GRAMD1B: variants seen among roughly 807,000 people sequenced by gnomAD.
The protein encoded by GRAMD1B is protein Aster-B.
Under a neutral mutation model 99.7 loss-of-function variants are expected in GRAMD1B, and 37 were observed. That is an observed-to-expected ratio of 0.37 (90% confidence interval 0.29 to 0.49). The LOEUF (loss-of-function observed/expected upper bound fraction) is 0.49. GRAMD1B is among the 20% of genes least tolerant of loss of function. GRAMD1B has a pLI of 0.98. For missense variants in GRAMD1B, 888 were observed against 1,009.2 expected (o/e 0.88, Z 1.63); for synonymous variants, 427 against 387.6 (o/e 1.10, Z -1.19).
At chr11:123,621,949 TTTC>T (rs1257012300) in intron 19 of GRAMD1B, among the ~76,000 whole-genome samples, 1 of 151,458 alleles carries the variant, frequency 6.6e-6, no homozygotes, top group African/African-American at 2.4e-5. Flanking sequence ...TCTCTCTTTC[TTTC>T]TTTCTTCTTT....
Position 123,605,337 on chromosome 11 carries a change from C to G in GRAMD1B, c.1182C>G (p.Ile394Met). 2 of 1,609,974 alleles carry G rather than the reference C, an allele frequency of 1.2e-6. No homozygotes were observed. Among genetic ancestry groups the G allele is most frequent in the Non-Finnish European group, 1.7e-6 (2 of 1,177,572 alleles). The stretch of plus-strand genomic sequence containing the variant: ...CTCCTCTCAGATACTGTGAAGAGAT[C>G]CCTGTGGAAGAGAATGAAGTGAATG... ...DFNTMGYCEE[I>M]PVEENEVNDS... Residue 394 changes from isoleucine to methionine, a missense_variant, in exon 10 of 20, where the codon ATC becomes ATG. Physicochemically the swap from Ile to Met is conservative, Grantham distance 10. This residue lies in a region of GRAMD1B where 269 missense variants were observed against 296.6 expected (regional missense o/e 0.91). Transcript: ENST00000635736.
rs549303304 is a variant in GRAMD1B at position 123,422,295 on chromosome 11, C to T, written c.-175-58521C>T. Among the ~76,000 whole-genome samples, 32 of 152,278 alleles carry T rather than the reference C, an allele frequency of 2.1e-4. 1 individual carries two copies. In the South Asian group the frequency reaches 3.7e-3, roughly 18 times the overall value. On this transcript the variant is annotated intron_variant, in intron 1 of 20. Transcript: ENST00000638157. The stretch of plus-strand genomic sequence containing the variant: ...TGTGAATTTCATTGAGGCAAGAGTT[C>T]GCACCAAGTGCAGAATTGCATAGAG...
At position 123,612,846 on chromosome 11, in the gene GRAMD1B, G is replaced by A. The variant is rs761933797; in HGVS notation, c.2005G>A (p.Asp669Asn). ...GAAGAACTTCTGGAGTGGGCTGGAG[G>A]ACTACTTCCGCCATTTAGGTGAGCA... is the stretch of plus-strand genomic sequence containing the variant. Reference protein sequence around the residue: ...IEKNFWSGLEDYFRHLESELA... With the variant: ...IEKNFWSGLENYFRHLESELA... Residue 669 changes from aspartate to asparagine, a missense_variant, in exon 15 of 20, where the codon GAC becomes AAC. Asp to Asn is a conservative substitution (Grantham distance 23, BLOSUM62 1). Transcript: ENST00000635736. 1 of 1,602,576 alleles carries A rather than the reference G, an allele frequency of 6.2e-7. No individual in the cohort carries two copies. The highest frequency in any genetic ancestry group is 8.5e-7 in the Non-Finnish European group (1 of 1,169,932).
At chr11:123,396,248 A>G (rs1377363813) in intron 1 of GRAMD1B, among the ~76,000 whole-genome samples, 8 of 114,712 alleles carry the variant, frequency 7.0e-5, no homozygotes, top group African/African-American at 2.8e-4. Flanking sequence ...CCCCATATGC[A>G]TTTTTTTCTT....
intron 1 of GRAMD1B, among the ~76,000 whole-genome samples, chr11:123,417,330 G>A (rs1353853179): frequency 5.9e-5 from 9 of 152,112 alleles, no homozygotes; most frequent in Non-Finnish European, 8.8e-5. Flanking sequence ...CTGAGATCGC[G>A]CCATTGCACT....
intron 7 of GRAMD1B, chr11:123,598,889 C>T (rs1951611731): frequency 7.3e-7 from 1 of 1,365,650 alleles, no homozygotes; most frequent in Non-Finnish European, 1.0e-6. Context: ...ACTCAAGCAG[C>T]ATCTCTAGGT....
chr11:123,463,324 T>C (rs1440595802), intron 1 of GRAMD1B, among the ~76,000 whole-genome samples: 2 of 152,246 alleles, frequency 1.3e-5, no homozygotes, highest in Non-Finnish European at 2.9e-5. Flanking sequence ...ATTTTCTTCA[T>C]CTTTAAAATG....
At chr11:123,479,092 G>A (rs958315866) in intron 1 of GRAMD1B, among the ~76,000 whole-genome samples, 1 of 152,220 alleles carries the variant, frequency 6.6e-6, no homozygotes, top group Non-Finnish European at 1.5e-5. Context: ...CCACTGCATA[G>A]TGAACGAGCT....
rs370917212 is a variant in GRAMD1B, at chr11:123,486,599, G to A, written c.452+5706G>A. On this transcript the variant is annotated intron_variant, in intron 2 of 19. Coordinates refer to ENST00000635736, the MANE Select transcript of GRAMD1B (RefSeq NM_001387025.1). ...AAGAAAAAGCAAAGGCAGAAAGAAA[G>A]TGTAGAATATTGAGCATCTGCAAAT... Among the ~76,000 whole-genome samples the A allele has an allele frequency of 3.5e-3, 511 of 144,188 alleles. 4 individuals carry two copies. Among genetic ancestry groups the A allele is most frequent in the African/African-American group, 0.013 (490 of 38,474 alleles). The allele number at this position is 144,188 out of a possible 152,430, so 94.6% of individuals were successfully genotyped here.
intron 1 of GRAMD1B, among the ~76,000 whole-genome samples, chr11:123,474,330 C>T (rs753758702): frequency 3.3e-5 from 5 of 152,062 alleles, no homozygotes; most frequent in Non-Finnish European, 7.4e-5. Flanking sequence ...GCATTATTAC[C>T]CACATCTGAC....
chr11:123,617,641 G>A (rs552911759), intron 17 of GRAMD1B, among the ~76,000 whole-genome samples: 300 of 152,210 alleles, frequency 2.0e-3, no homozygotes, highest in African/African-American at 6.6e-3. Flanking sequence ...AGTAGGATAG[G>A]TATTACTGTC....
At chr11:123,386,330 G>A (rs1947055871) in intron 1 of GRAMD1B, among the ~76,000 whole-genome samples, 1 of 152,120 alleles carries the variant, frequency 6.6e-6, no homozygotes. Flanking sequence ...AGAGAATCCA[G>A]GAAGACCTCC....
chr11:123,528,768 T>C (rs778965476), intron 2 of GRAMD1B, among the ~76,000 whole-genome samples: 1 of 152,256 alleles, frequency 6.6e-6, no homozygotes, highest in Non-Finnish European at 1.5e-5. Context: ...ATAAATATGT[T>C]ATCTCATTTG....
At chr11:123,517,481 G>A (rs962080576) in intron 2 of GRAMD1B, among the ~76,000 whole-genome samples, 2 of 152,178 alleles carry the variant, frequency 1.3e-5, no homozygotes, top group Non-Finnish European at 2.9e-5. Context: ...CATCCGCTCC[G>A]CATAGCAACC....
chr11:123,520,101 G>A (rs1942057338), intron 2 of GRAMD1B, among the ~76,000 whole-genome samples: 1 of 152,230 alleles, frequency 6.6e-6, no homozygotes, highest in East Asian at 1.9e-4. Flanking sequence ...AACAGTGCCA[G>A]GGTAGGCGAG....
rs563506477 is a variant in GRAMD1B at position 123,510,728 on chromosome 11, C to T, written c.452+29835C>T. ...TGGAAATGCTGCCGGCCGCACTGTG[C>T]GTAAGTGGCTTCGCTTGGCGAGTTC... On this transcript the variant is annotated intron_variant, in intron 2 of 19. Transcript: ENST00000635736. The surrounding 1 kb of genome is among the most constrained non-coding windows in gnomAD (Gnocchi z 4.3). Among the ~76,000 whole-genome samples the T allele has an allele frequency of 6.6e-6, 1 of 152,180 alleles. No homozygotes were observed. Among genetic ancestry groups the T allele is most frequent in the African/African-American group, 2.4e-5 (1 of 41,448 alleles).
At chr11:123,589,081 T>C (rs1950358613) in intron 4 of GRAMD1B, among the ~76,000 whole-genome samples, 1 of 151,836 alleles carries the variant, frequency 6.6e-6, no homozygotes, top group Admixed American at 6.6e-5. Context: ...GTGACCGGAA[T>C]GTGTCACATG....
At chr11:123,616,700 C>T (rs559077627) in intron 17 of GRAMD1B, among the ~76,000 whole-genome samples, 1 of 152,374 alleles carries the variant, frequency 6.6e-6, no homozygotes, top group East Asian at 1.9e-4. Context: ...CTTGCCCCCA[C>T]ATGCCTGCTG....
intron 10 of GRAMD1B, 51 bp downstream of exon 10, chr11:123,605,529 TC>T: frequency 6.8e-7 from 1 of 1,468,080 alleles, no homozygotes; most frequent in Non-Finnish European, 9.3e-7. Context: ...GGCCAGCGTT[TC>T]CTAGCATAGT....
Sources: gnomAD v4.1 joint callset for allele counts (sites outside exome capture counted in the v4.1 genomes callset) on GRCh38, gnomAD v4.1.1 for gene constraint, gnomAD v4.1.1 regional missense constraint, Gnocchi (gnomAD v3.1) non-coding constraint, MANE v1.5 for transcripts, NCBI Gene and HGNC (gene_info 2026-07-23, HGNC 2026-07-21) for gene names.